TRMT11: variants seen among roughly 807,000 people sequenced by gnomAD.
TRMT11 encodes the protein tRNA methyltransferase 11, also known as tRNA (guanine(10)-N(2))-methyltransferase TRMT11.
In TRMT11, 53 loss-of-function variants were observed where a neutral mutation model predicts 62.8. The observed-to-expected ratio is 0.84, with a 90% CI of 0.68 to 1.06. TRMT11 has a LOEUF of 1.06. Among genes scored for constraint, TRMT11 ranks in the 50% least tolerant of loss-of-function variants. The probability of loss-of-function intolerance (pLI) is 0.00; values close to 1 mark genes in which losing one functional copy is unlikely to be tolerated. For missense variants in TRMT11, 556 were observed against 553.4 expected, an observed-to-expected ratio of 1.00 and a Z score of -0.05; for synonymous variants, 188 against 190.3, an observed-to-expected ratio of 0.99 and a Z score of 0.10.
At chr6:126,045,784 G>T (rs908582527) in intron 16 of TRMT11, among the ~76,000 whole-genome samples, 4 of 152,114 alleles carry the variant, frequency 2.6e-5, no homozygotes, top group African/African-American at 9.7e-5. Context: ...GGGACATATG[G>T]TGGCAGGGCA....
At chr6:126,170,305 T>A (rs1377234664) in intron 21 of TRMT11, among the ~76,000 whole-genome samples, 1 of 152,214 alleles carries the variant, frequency 6.6e-6, no homozygotes, top group Non-Finnish European at 1.5e-5. Context: ...TCTTACTTTT[T>A]TAATTGTAAC....
the TRMT11 span, among the ~76,000 whole-genome samples, chr6:126,251,768 A>G: frequency 1.3e-5 from 2 of 152,274 alleles, no homozygotes; most frequent in African/African-American, 4.8e-5. Flanking sequence ...ATCCGAACTC[A>G]TTTTATGTTG....
chr6:126,081,272 T>C (rs2186061), intron 17 of TRMT11, among the ~76,000 whole-genome samples: 15,696 of 152,198 alleles, frequency 0.1, 1,460 homozygotes, highest in African/African-American at 0.25. Flanking sequence ...CATACCAATA[T>C]GCAAAGGCCA....
intron 21 of TRMT11, among the ~76,000 whole-genome samples, chr6:126,141,429 G>A (rs910533115): frequency 6.6e-6 from 1 of 152,130 alleles, no homozygotes; most frequent in Non-Finnish European, 1.5e-5. Flanking sequence ...TTGTCTTACT[G>A]TAATTGTAGG....
intron 2 of TRMT11, among the ~76,000 whole-genome samples, chr6:126,199,244 C>G (rs774121532): frequency 2.0e-5 from 3 of 152,290 alleles, no homozygotes; most frequent in Admixed American, 6.5e-5. Flanking sequence ...GTCATGAGCA[C>G]CTGCTTTATA....
the TRMT11 span, among the ~76,000 whole-genome samples, chr6:126,224,559 C>T: frequency 6.6e-6 from 1 of 152,196 alleles, no homozygotes; most frequent in Non-Finnish European, 1.5e-5. Context: ...CAACAACACT[C>T]TGATGAGGGG....
At chr6:126,140,110 A>T (rs1167741156) in intron 21 of TRMT11, among the ~76,000 whole-genome samples, 1 of 152,086 alleles carries the variant, frequency 6.6e-6, no homozygotes, top group Non-Finnish European at 1.5e-5. Flanking sequence ...ATTAAAAATG[A>T]GGTATTAAAT....
chr6:126,268,161 C>T, the TRMT11 span, among the ~76,000 whole-genome samples: 1 of 152,150 alleles, frequency 6.6e-6, no homozygotes, highest in African/African-American at 2.4e-5. Context: ...CACGTCCCTT[C>T]AACCACAGAT....
At chr6:126,117,630 A>G (rs1777605677) in intron 21 of TRMT11, among the ~76,000 whole-genome samples, 2 of 152,234 alleles carry the variant, frequency 1.3e-5, no homozygotes, top group South Asian at 4.1e-4. Context: ...CATTCTGACC[A>G]TGATTATTTA....
chr6:126,241,407 C>G, the TRMT11 span, among the ~76,000 whole-genome samples: 1 of 152,092 alleles, frequency 6.6e-6, no homozygotes, highest in Admixed American at 6.5e-5. Context: ...CTATTCCAAT[C>G]AATAGAAAAA....
chr6:126,143,142 C>A (rs146655748), intron 21 of TRMT11, among the ~76,000 whole-genome samples: 1 of 152,120 alleles, frequency 6.6e-6, no homozygotes, highest in African/African-American at 2.4e-5. Flanking sequence ...CCACATGTAT[C>A]CTTGGTCATT....
intron 17 of TRMT11, among the ~76,000 whole-genome samples, chr6:126,106,523 C>A (rs57604868): frequency 0.14 from 21,998 of 151,998 alleles, 3,630 homozygotes; most frequent in African/African-American, 0.41. Context: ...TTTGCTGCTG[C>A]AGAAATAGGC....
chr6:126,093,577 A>ATATGTATG (rs1469442727), intron 17 of TRMT11, among the ~76,000 whole-genome samples: 8 of 83,958 alleles, frequency 9.5e-5, no homozygotes, highest in African/African-American at 3.6e-4. Context: ...AGGTAACAGG[A>ATATGTATG]TATGTATGTA....
At chr6:125,994,578 A>C (rs1469733607) in intron 2 of TRMT11, among the ~76,000 whole-genome samples, 1 of 152,208 alleles carries the variant, frequency 6.6e-6, no homozygotes, top group Admixed American at 6.5e-5. Context: ...TCTGTTGGGT[A>C]GGGTAAATAT....
chr6:126,130,920 A>G (rs573713487), intron 21 of TRMT11, among the ~76,000 whole-genome samples: 52 of 152,140 alleles, frequency 3.4e-4, no homozygotes, highest in Non-Finnish European at 6.0e-4. Context: ...CTCTATGAAT[A>G]CATTTGAAAG....
intron 1 of TRMT11, among the ~76,000 whole-genome samples, chr6:126,195,587 G>A (rs1318447551): frequency 2.6e-5 from 4 of 152,184 alleles, no homozygotes; most frequent in Non-Finnish European, 5.9e-5. Flanking sequence ...TTTATTCAGT[G>A]TACATCCCTG....
chr6:126,063,444 A>G lies in TRMT11; in HGVS notation c.*1437+10254A>G, dbSNP rs1569740. On this transcript the variant is annotated intron_variant and NMD_transcript_variant, in intron 17 of 22. Transcript: ENST00000648977. ...ATTAACCAAATTCAATGGAACTTAA[A>G]TTAAGAAAACGTTTCTGTAACAGTT... is the stretch of plus-strand genomic sequence containing the variant. 1.3e-3 allele frequency among the ~76,000 whole-genome samples: 201 copies of G among 152,390 alleles called. 3 individuals carry two copies. The East Asian group carries it at 0.037, about 28-fold the overall frequency.
the TRMT11 span, among the ~76,000 whole-genome samples, chr6:126,212,372 A>G: frequency 6.6e-6 from 1 of 152,054 alleles, no homozygotes; most frequent in African/African-American, 2.4e-5. Flanking sequence ...GGTTGTACTA[A>G]TTTACATTTC....
At chr6:126,156,275 C>T (rs1583892404) in intron 21 of TRMT11, among the ~76,000 whole-genome samples, 1 of 152,184 alleles carries the variant, frequency 6.6e-6, no homozygotes, top group East Asian at 1.9e-4. Flanking sequence ...AGGACCCCCT[C>T]CCACAGCTCC....
Sources: allele counts gnomAD v4.1 joint callset (sites outside exome capture counted in the v4.1 genomes callset), GRCh38; gene constraint gnomAD v4.1.1; transcripts MANE v1.5; gene names NCBI Gene and HGNC (gene_info 2026-07-23, HGNC 2026-07-21).